Variants in PSMD11 observed in about 807,000 individuals in gnomAD.
PSMD11 encodes proteasome 26S subunit, non-ATPase 11, also known as 26S proteasome non-ATPase regulatory subunit 11.
A neutral mutation model predicts 62.3 loss-of-function variants in PSMD11; 5 were observed. That is an observed-to-expected ratio of 0.08 (90% CI 0.04 to 0.17). PSMD11 has a LOEUF of 0.17. Ranked by LOEUF, PSMD11 falls within the 10% of genes least tolerant of loss-of-function variation. The pLI, the probability that PSMD11 is intolerant of heterozygous loss-of-function variation, is 1.00. For missense variants in PSMD11, 310 were observed against 512.9 expected, an observed-to-expected ratio of 0.60 and a Z score of 3.82; for synonymous variants, 191 against 191.8, an observed-to-expected ratio of 1.00 and a Z score of 0.03.
At chr17:32,452,595 A>G (rs937681679) in intron 2 of PSMD11, among the ~76,000 whole-genome samples, 2 of 152,252 alleles carry the variant, frequency 1.3e-5, no homozygotes, top group Non-Finnish European at 2.9e-5. Context: ...GATAAGGATT[A>G]AATTATATAC....
intron 2 of PSMD11, among the ~76,000 whole-genome samples, chr17:32,448,413 C>A (rs1907392129): frequency 6.6e-6 from 1 of 151,084 alleles, no homozygotes; most frequent in Admixed American, 6.6e-5. Context: ...GTTGCCCAGG[C>A]TGGAGTGCAA....
At chr17:32,476,798 T>A (rs1217326889) in intron 8 of PSMD11, 1 of 152,246 alleles carries the variant, frequency 6.6e-6, no homozygotes, top group Non-Finnish European at 1.5e-5. Flanking sequence ...CGGATTCTTT[T>A]TCTATCACCC....
At chr17:32,479,440 C>T in intron 10 of PSMD11, 64 bp downstream of exon 10, 1 of 1,584,358 alleles carries the variant, frequency 6.3e-7, no homozygotes, top group South Asian at 1.2e-5. Context: ...CTCCCTTCCA[C>T]ACCTGTCCAG....
chr17:32,445,354 G>A (rs1357411025), intron 1 of PSMD11: 1 of 152,274 alleles, frequency 6.6e-6, no homozygotes, highest in East Asian at 1.9e-4. Flanking sequence ...TTGGAAGTGA[G>A]TTAAGGGAGT....
At chr17:32,457,142 A>G (rs922349835) in intron 3 of PSMD11, among the ~76,000 whole-genome samples, 6 of 152,214 alleles carry the variant, frequency 3.9e-5, no homozygotes, top group African/African-American at 1.4e-4. Context: ...ATTTATATAA[A>G]GTAAAGACCT....
chr17:32,475,328 G>GC (rs1908284739), intron 8 of PSMD11, among the ~76,000 whole-genome samples: 2 of 150,834 alleles, frequency 1.3e-5, no homozygotes, highest in South Asian at 4.2e-4. Context: ...GCAAAAAGAG[G>GC]CCCTTTTTTT....
Position 32,468,892 on chromosome 17 carries a change from G to T in PSMD11, c.449-107G>T, listed in dbSNP as rs557794356. On this transcript the variant is annotated intron_variant, in intron 5 of 13. Transcript: ENST00000261712. ...CTAGAGGTAACCTTTTTTGAGTTCA[G>T]GAATTTTTTTTTTTTTTTAATCCTG... 3.0e-5 allele frequency: 32 copies of T among 1,050,428 alleles called. No individual in the cohort carries two copies. The African/African-American group carries it at 4.9e-4, about 16-fold the overall frequency. The allele number at this position is 1,050,428 out of a possible 1,614,324, so 65.1% of individuals were successfully genotyped here. A position where few individuals can be genotyped will look rare whatever the true frequency, so the allele number is the denominator to read the frequency against.
intron 6 of PSMD11, among the ~76,000 whole-genome samples, chr17:32,473,018 C>G (rs1335269109): frequency 6.7e-6 from 1 of 150,134 alleles, no homozygotes; most frequent in Non-Finnish European, 1.5e-5. Flanking sequence ...ATTAGCCGGG[C>G]GTGGTAGTGG....
intron 3 of PSMD11, among the ~76,000 whole-genome samples, chr17:32,457,231 T>TAA (rs936247429): frequency 2.3e-4 from 35 of 152,200 alleles, no homozygotes; most frequent in African/African-American, 7.0e-4. Context: ...TACTTTTTAG[T>TAA]AAAGGCTGTT....
chr17:32,472,153 C>T (rs1908182413), intron 6 of PSMD11, among the ~76,000 whole-genome samples: 1 of 151,446 alleles, frequency 6.6e-6, no homozygotes, highest in African/African-American at 2.4e-5. Context: ...CAGATGTGAG[C>T]CACTGTGCCT....
chr17:32,480,265 AAAG>A (rs1207418607), intron 12 of PSMD11, 68 bp downstream of exon 12: 8 of 1,565,290 alleles, frequency 5.1e-6, no homozygotes, highest in Admixed American at 5.0e-5. Flanking sequence ...GTTTATTTTC[AAAG>A]AAGATGTTCT....
At chr17:32,449,445 CT>C (rs775171616) in intron 2 of PSMD11, among the ~76,000 whole-genome samples, 1 of 152,134 alleles carries the variant, frequency 6.6e-6, no homozygotes, top group African/African-American at 2.4e-5. Flanking sequence ...CAAATTTCTA[CT>C]TTCCTCCAGT....
At chr17:32,465,061 TA>T (rs1360753764) in intron 5 of PSMD11, among the ~76,000 whole-genome samples, 1 of 151,854 alleles carries the variant, frequency 6.6e-6, no homozygotes, top group Non-Finnish European at 1.5e-5. Context: ...GTGTGGCCTT[TA>T]AACACCTTGA....
In PSMD11 at chr17:32,481,024, A is replaced by G. The variant is rs1191968524; in HGVS notation, c.*272A>G. 1.3e-5 allele frequency: 2 copies of G among 158,434 alleles called. No individual in the cohort carries two copies. The highest frequency in any genetic ancestry group is 1.4e-5 in the Non-Finnish European group (1 of 72,206). 9.8% of individuals were successfully genotyped at this position (158,434 alleles called of 1,614,324 possible). A position where few individuals can be genotyped will look rare whatever the true frequency, so the allele number is the denominator to read the frequency against. ...AAATAAAAGGAAAAAGGCTTACACT[A>G]CCTAAAGCTGTGCTCTCTGCCTCCT... On this transcript the variant is annotated 3_prime_UTR_variant, in exon 14 of 14. Coordinates refer to ENST00000261712, the MANE Select transcript of PSMD11 (RefSeq NM_002815.4).
intron 4 of PSMD11, 134 bp from the exon 5 acceptor site, chr17:32,464,387 C>T (rs564845708): frequency 1.3e-4 from 102 of 760,114 alleles, no homozygotes; most frequent in East Asian, 9.2e-4. Flanking sequence ...TTGGCTAGAT[C>T]GTCTCTTATG....
chr17:32,474,871 G>GT, intron 8 of PSMD11, 47 bp downstream of exon 8: 1 of 1,539,770 alleles, frequency 6.5e-7, no homozygotes, highest in Non-Finnish European at 9.0e-7. Context: ...AGACCAGCAT[G>GT]TTTTCAGAGT....
At chr17:32,480,697 C>T (rs1347420987) in intron 13 of PSMD11, 56 bp from the exon 14 acceptor site, 4 of 1,565,638 alleles carry the variant, frequency 2.6e-6, no homozygotes, top group Non-Finnish European at 3.5e-6. Flanking sequence ...GACTGAAAAC[C>T]TCCTCCTGGT....
intron 8 of PSMD11, 80 bp downstream of exon 8, chr17:32,474,904 A>G (rs1270642159): frequency 1.6e-6 from 2 of 1,251,926 alleles, no homozygotes; most frequent in Non-Finnish European, 1.2e-6. Flanking sequence ...TGAGACCAGC[A>G]CTCTTCAGAT....
rs546554647 is a variant in PSMD11 at position 32,475,009 on chromosome 17, T to TCAGCGTTTGGTGG, written c.849+197_849+198insGCAGCGTTTGGTG. ...ACTGTTAAATTCTTGGCCTGGAAAGTCAGCGTTTGGTGCTCTTATGGACAT... is the reference window on the plus strand; with the variant it reads ...ACTGTTAAATTCTTGGCCTGGAAAGTCAGCGTTTGGTGGCAGCGTTTGGTGCTCTTATGGACAT... On this transcript the variant is annotated intron_variant, in intron 8 of 13. Coordinates refer to ENST00000261712, the MANE Select transcript of PSMD11 (RefSeq NM_002815.4). Among the ~76,000 whole-genome samples, 200 of 152,324 alleles carry TCAGCGTTTGGTGG rather than the reference T, an allele frequency of 1.3e-3. 1 individual carries two copies. The highest frequency in any genetic ancestry group is 4.7e-3 in the African/African-American group (194 of 41,572).
Sources: gnomAD v4.1 joint callset for allele counts (sites outside exome capture counted in the v4.1 genomes callset) on GRCh38, gnomAD v4.1.1 for gene constraint, MANE v1.5 for transcripts, NCBI Gene and HGNC (gene_info 2026-07-23, HGNC 2026-07-21) for gene names.